OTOGL: variants seen among roughly 807,000 people sequenced by gnomAD.
OTOGL encodes otogelin like, also known as otogelin-like protein.
Under a neutral mutation model 318.5 loss-of-function variants are expected in OTOGL, and 285 were observed. That is an observed-to-expected ratio of 0.89 (90% CI 0.81 to 0.99). OTOGL has a LOEUF of 0.99. Among genes scored for constraint, OTOGL ranks in the 50% least tolerant of loss-of-function variants. OTOGL has a pLI of 0.00. For missense variants in OTOGL, 2,899 were observed against 2,845.6 expected (o/e 1.02, Z -0.43); for synonymous variants, 987 against 936.5 (o/e 1.05, Z -0.99).
chr12:80,329,637 T>C (rs1887944608), intron 37 of OTOGL, among the ~76,000 whole-genome samples: 1 of 152,236 alleles, frequency 6.6e-6, no homozygotes, highest in Non-Finnish European at 1.5e-5. Context: ...CTCCTACCCT[T>C]GCTTTCCTCC....
intron 15 of OTOGL, 130 bp downstream of exon 15, chr12:80,254,700 C>A: frequency 1.4e-6 from 1 of 700,552 alleles, no homozygotes; most frequent in Non-Finnish European, 2.2e-6. Context: ...TGCAATTACT[C>A]AGAGGATACA....
chr12:80,103,762 A>C lies in OTOGL; in HGVS notation c.-20+4157A>C, dbSNP rs570569837. On this transcript the variant is annotated intron_variant, in intron 1 of 58. Transcript: ENST00000547103. ...TGAATAATATGGAAATACCGCTAGT[A>C]TTATTCTAAAAATGCCTATACCTTT... is the stretch of plus-strand genomic sequence containing the variant. Among the ~76,000 whole-genome samples the C allele has an allele frequency of 3.9e-5, 6 of 152,374 alleles. No individual in the cohort carries two copies. In the East Asian group the frequency reaches 1.2e-3, roughly 29 times the overall value.
In OTOGL at chr12:80,253,581, GATC is replaced by G. The variant is rs756671126; in HGVS notation, c.1394+9_1394+11del. On this transcript the variant is annotated splice_region_variant and intron_variant, in intron 14 of 58. Transcript: ENST00000547103. ...AACAAGAATGTACTGAATGGTATGTGATCAGTGTGCAGCCAATTATTTCTGGGT... is the reference window on the plus strand; with the variant it reads ...AACAAGAATGTACTGAATGGTATGTGAGTGTGCAGCCAATTATTTCTGGGT... The G allele has an allele frequency of 6.3e-7, 1 of 1,588,622 alleles. No individual in the cohort carries two copies. Among genetic ancestry groups the G allele is most frequent in the African/African-American group, 1.3e-5 (1 of 74,296 alleles).
intron 57 of OTOGL, 29 bp downstream of exon 57, chr12:80,372,093 C>G (rs1240004095): frequency 6.8e-7 from 1 of 1,465,074 alleles, no homozygotes; most frequent in Non-Finnish European, 9.2e-7. Flanking sequence ...CATGCATTTA[C>G]TTGATAGATT....
At chr12:80,267,665 T>G (rs1437482472) in intron 22 of OTOGL, among the ~76,000 whole-genome samples, 1 of 150,212 alleles carries the variant, frequency 6.7e-6, no homozygotes, top group Admixed American at 6.7e-5. Flanking sequence ...AGTGTTTGGT[T>G]TTTTTAACCC....
intron 1 of OTOGL, chr12:80,102,806 T>C: frequency 7.9e-6 from 5 of 631,522 alleles, no homozygotes; most frequent in Non-Finnish European, 5.6e-6. Flanking sequence ...AGTTGTCTCT[T>C]ACCAACTCTT....
chr12:80,115,932 A>T (rs1225483711), intron 1 of OTOGL, among the ~76,000 whole-genome samples: 1 of 152,164 alleles, frequency 6.6e-6, no homozygotes, highest in Non-Finnish European at 1.5e-5. Context: ...AGTTGACTTC[A>T]GACTGCTGTG....
intron 1 of OTOGL, among the ~76,000 whole-genome samples, chr12:80,149,924 C>G (rs1025427738): frequency 6.6e-6 from 1 of 152,126 alleles, no homozygotes; most frequent in African/African-American, 2.4e-5. Flanking sequence ...ATGCACGGTG[C>G]GCGCACCCAC....
intron 1 of OTOGL, among the ~76,000 whole-genome samples, chr12:80,127,243 A>G (rs1870910024): frequency 6.6e-6 from 1 of 152,130 alleles, no homozygotes; most frequent in Non-Finnish European, 1.5e-5. Flanking sequence ...CCTGGTGGTG[A>G]CAAAATCTCT....
intron 1 of OTOGL, among the ~76,000 whole-genome samples, chr12:80,130,400 A>G (rs1316029569): frequency 6.6e-6 from 1 of 152,234 alleles, no homozygotes; most frequent in East Asian, 1.9e-4. Flanking sequence ...GGTCAGAACT[A>G]TGCTTTCAAT....
chr12:80,128,835 G>C (rs1465515326), intron 1 of OTOGL, among the ~76,000 whole-genome samples: 1 of 152,230 alleles, frequency 6.6e-6, no homozygotes, highest in Non-Finnish European at 1.5e-5. Flanking sequence ...AGGACCCTCT[G>C]AGCCAGGTGC....
intron 1 of OTOGL, among the ~76,000 whole-genome samples, chr12:80,153,488 C>T (rs1233408813): frequency 6.6e-6 from 1 of 152,212 alleles, no homozygotes; most frequent in African/African-American, 2.4e-5. Flanking sequence ...TAGCCTCTCT[C>T]ATTATCAACA....
intron 1 of OTOGL, among the ~76,000 whole-genome samples, chr12:80,181,176 G>A (rs115818240): frequency 0.013 from 2,042 of 152,188 alleles, 44 homozygotes; most frequent in African/African-American, 0.046. Context: ...TGTTGTAGAA[G>A]CATAAAAACC....
At chr12:80,283,440 T>C (rs2137643597) in intron 26 of OTOGL, among the ~76,000 whole-genome samples, 1 of 152,106 alleles carries the variant, frequency 6.6e-6, no homozygotes, top group Admixed American at 6.6e-5. Flanking sequence ...CAGTTATCTG[T>C]CCTGTTCTTA....
intron 1 of OTOGL, among the ~76,000 whole-genome samples, chr12:80,101,228 C>T (rs577717783): frequency 3.9e-5 from 6 of 152,232 alleles, no homozygotes; most frequent in African/African-American, 1.2e-4. Flanking sequence ...TTGATGTTTC[C>T]GCAAGAGTTC....
At chr12:80,325,141 T>A (rs2895797) in intron 35 of OTOGL, among the ~76,000 whole-genome samples, 24,537 of 152,032 alleles carry the variant, frequency 0.16, 4,899 homozygotes, top group African/African-American at 0.47. Flanking sequence ...ATTATGAGGT[T>A]CTATTCTATG....
rs377559005 is a variant in OTOGL at position 80,187,975 on chromosome 12, C to T, written c.-19-21438C>T. On this transcript the variant is annotated intron_variant, in intron 1 of 58. Coordinates refer to ENST00000547103, the MANE Select transcript of OTOGL (RefSeq NM_001378609.3). ...CAAACAGCCACAATGAATTGGATTA[C>T]TGCCATGTGCTCTAAATTGGGCTGA... Among the ~76,000 whole-genome samples, 127 of 152,306 alleles carry T rather than the reference C, an allele frequency of 8.3e-4. No individual in the cohort carries two copies. In the Middle Eastern group the frequency reaches 0.017, roughly 20 times the overall value.
chr12:80,123,426 T>C (rs1870610433), intron 1 of OTOGL, among the ~76,000 whole-genome samples: 1 of 152,228 alleles, frequency 6.6e-6, no homozygotes, highest in African/African-American at 2.4e-5. Context: ...CTTAATCCAG[T>C]CTATCATTGT....
chr12:80,264,299 A>G (rs965049287), intron 19 of OTOGL, among the ~76,000 whole-genome samples: 1 of 152,148 alleles, frequency 6.6e-6, no homozygotes, highest in Non-Finnish European at 1.5e-5. Context: ...CAAGGGAAAA[A>G]TCAACAGATT....
Sources: allele counts gnomAD v4.1 joint callset (sites outside exome capture counted in the v4.1 genomes callset), GRCh38; gene constraint gnomAD v4.1.1; transcripts MANE v1.5; gene names NCBI Gene and HGNC (gene_info 2026-07-23, HGNC 2026-07-21).